Variants in DBI observed in about 807,000 individuals in gnomAD.
The protein encoded by DBI is acyl-CoA-binding protein.
A neutral mutation model predicts 13.0 loss-of-function variants in DBI; 12 were observed. That is an observed-to-expected ratio of 0.92 (90% CI 0.59 to 1.49). DBI has a LOEUF of 1.49. Among genes scored for constraint, DBI ranks in the 40% most tolerant of loss-of-function variants. DBI has a pLI of 0.00. For missense variants in DBI, 95 were observed against 104.8 expected (o/e 0.91, Z 0.41); for synonymous variants, 37 against 37.4 (o/e 0.99, Z 0.04).
intron 1 of DBI, chr2:119,367,678 G>A (rs750506531): frequency 6.2e-7 from 1 of 1,613,216 alleles, no homozygotes; most frequent in South Asian, 1.1e-5. Flanking sequence ...CAGGGGGAGG[G>A]AGGGGACCAA....
intron 2 of DBI, 78 bp downstream of exon 2, chr2:119,368,383 T>C: frequency 1.8e-6 from 2 of 1,084,346 alleles, no homozygotes; most frequent in Admixed American, 3.4e-5. Flanking sequence ...CCCTGGGAAC[T>C]TCACTCTCAA....
At chr2:119,370,110 T>C (rs2104693370) in intron 2 of DBI, 1 of 152,316 alleles carries the variant, frequency 6.6e-6, no homozygotes, top group Non-Finnish European at 1.5e-5. Flanking sequence ...CCCTGTGGCT[T>C]TGGGGCTGGG....
At chr2:119,367,384 C>T in intron 1 of DBI, 3 of 1,464,352 alleles carry the variant, frequency 2.0e-6, no homozygotes, top group Non-Finnish European at 2.7e-6. Context: ...AGCGAGGAGA[C>T]TCAGTCCCCA....
At chr2:119,371,915 T>C (rs1180128855) in intron 3 of DBI, among the ~76,000 whole-genome samples, 1 of 152,198 alleles carries the variant, frequency 6.6e-6, no homozygotes, top group African/African-American at 2.4e-5. Flanking sequence ...GTCACCACGA[T>C]GACAGTTTCC....
chr2:119,368,052 G>C (rs996214789), intron 1 of DBI, 136 bp from the exon 2 acceptor site: 17 of 1,521,958 alleles, frequency 1.1e-5, no homozygotes, highest in Non-Finnish European at 9.1e-6. Flanking sequence ...CACACTTCAG[G>C]GGCTGCATTG....
At position 119,366,978 on chromosome 2, in the gene DBI, G is replaced by C; in HGVS notation, c.-74G>C. On this transcript the variant is annotated 5_prime_UTR_variant, in exon 1 of 4. Coordinates refer to ENST00000355857, the MANE Select transcript of DBI (RefSeq NM_001079862.4). ...ACCGCGCCTCTAAAGGCGCTTGCCA[G>C]TGCAATCTGGGCGATCGCTTCCTGG... The C allele has an allele frequency of 6.2e-7, 1 of 1,602,536 alleles. No homozygotes were observed. The highest frequency in any genetic ancestry group is 2.2e-5 in the East Asian group (1 of 44,710).
In DBI at chr2:119,372,498, G is replaced by A. The variant is rs112513030; in HGVS notation, c.*180G>A. 711 of 509,954 alleles carry A rather than the reference G, an allele frequency of 1.4e-3. 8 individuals are homozygous for A. Among genetic ancestry groups the A allele is most frequent in the African/African-American group, 0.012 (631 of 51,628 alleles). The allele number at this position is 509,954 out of a possible 1,614,324, so 31.6% of individuals were successfully genotyped here. On this transcript the variant is annotated 3_prime_UTR_variant, in exon 4 of 4. Transcript: ENST00000355857. ...TAAAACGATTACTGACTTTCCTTGA[G>A]TAGTTTTTATCTGAAATCAATTAAA...
chr2:119,367,326 G>C, intron 1 of DBI: 1 of 1,437,852 alleles, frequency 7.0e-7, no homozygotes. Context: ...GGTGGGAGTC[G>C]AGGGTGCTTG....
intron 1 of DBI, 56 bp from the exon 2 acceptor site, chr2:119,368,132 C>T (rs927634396): frequency 2.8e-5 from 43 of 1,542,382 alleles, no homozygotes; most frequent in South Asian, 6.7e-5. Flanking sequence ...CAGTAGGATT[C>T]TTACCCTCTC....
chr2:119,367,174 C>T (rs991652732), intron 1 of DBI, 114 bp downstream of exon 1: 40 of 1,531,854 alleles, frequency 2.6e-5, no homozygotes, highest in Non-Finnish European at 3.5e-5. Context: ...CTCACTTGCT[C>T]ATGGGCCCAT....
chr2:119,368,563 G>T, intron 2 of DBI: 1 of 412,726 alleles, frequency 2.4e-6, no homozygotes, highest in Non-Finnish European at 4.5e-6. Flanking sequence ...AAGAAGCAAA[G>T]GCTGCAGCTT....
chr2:119,367,484 G>T, intron 1 of DBI: 1 of 1,596,978 alleles, frequency 6.3e-7, no homozygotes, highest in Non-Finnish European at 8.6e-7. Flanking sequence ...GTACGGGGCC[G>T]GCTGCTCAGA....
intron 2 of DBI, chr2:119,368,773 A>T (rs10181496): frequency 1.2e-5 from 2 of 161,352 alleles, no homozygotes; most frequent in African/African-American, 4.8e-5. Flanking sequence ...TGCCTTCCTG[A>T]TGATAACTTT....
At chr2:119,371,815 C>T (rs1438866692) in intron 3 of DBI, among the ~76,000 whole-genome samples, 2 of 152,212 alleles carry the variant, frequency 1.3e-5, no homozygotes, top group Non-Finnish European at 2.9e-5. Context: ...TCACTGCCAG[C>T]TTAACAGCTC....
intron 3 of DBI, among the ~76,000 whole-genome samples, chr2:119,371,254 C>T (rs1005242451): frequency 6.6e-6 from 1 of 152,200 alleles, no homozygotes; most frequent in African/African-American, 2.4e-5. Context: ...CCGCTGGCAT[C>T]GTAGGCTCAG....
intron 3 of DBI, among the ~76,000 whole-genome samples, chr2:119,371,617 T>C (rs567219473): frequency 6.6e-6 from 1 of 152,310 alleles, no homozygotes; most frequent in East Asian, 1.9e-4. Flanking sequence ...GTCTCTATCC[T>C]TCACCATAGA....
chr2:119,367,211 C>G, intron 1 of DBI, 151 bp downstream of exon 1: 1 of 1,451,312 alleles, frequency 6.9e-7, no homozygotes. Flanking sequence ...TTGGACAGAG[C>G]CTTGTGAGCG....
intron 1 of DBI, chr2:119,367,404 A>AC: frequency 6.7e-7 from 1 of 1,488,734 alleles, no homozygotes. Flanking sequence ...ATCCCGAAGC[A>AC]CAGGGCAGGA....
chr2:119,368,695 C>T (rs77600128), intron 2 of DBI: 1 of 190,340 alleles, frequency 5.3e-6, no homozygotes, highest in East Asian at 1.2e-4. Context: ...CCTGGCCAAG[C>T]CTGATGTCAG....
Sources: gnomAD v4.1 joint callset for allele counts (sites outside exome capture counted in the v4.1 genomes callset) on GRCh38, gnomAD v4.1.1 for gene constraint, MANE v1.5 for transcripts, NCBI Gene and HGNC (gene_info 2026-07-23, HGNC 2026-07-21) for gene names.